The following DLEC1 variants were observed in gnomAD, a reference collection of about 807,000 sequenced individuals.
DLEC1 encodes the protein DLEC1 cilia and flagella associated protein, also known as deleted in lung and esophageal cancer protein 1.
A neutral mutation model predicts 198.1 loss-of-function variants in DLEC1; 146 were observed. The ratio of observed to expected loss-of-function variants is 0.74; its 90% confidence interval spans 0.64 to 0.85. The LOEUF (loss-of-function observed/expected upper bound fraction) is 0.85, where lower values mean the gene tolerates loss of function less well. Among genes scored for constraint, DLEC1 ranks in the 40% least tolerant of loss-of-function variants. The pLI is 0.00. For missense variants in DLEC1, 2,233 were observed against 2,220.0 expected (o/e 1.01, Z -0.12); for synonymous variants, 897 against 866.8 (o/e 1.03, Z -0.61).
chr3:38,103,650 AAGCTTAATCATTTTTT>A (rs1474973302), intron 19 of DLEC1: 1 of 152,212 alleles, frequency 6.6e-6, no homozygotes, highest in African/African-American at 2.4e-5. Flanking sequence ...CTTCCTCACT[AAGCTTAATCATTTTTT>A]AGCTTAATCA....
At position 38,097,268 on chromosome 3, in the gene DLEC1, G is replaced by A. The variant is rs749049979; in HGVS notation, c.2427G>A (p.Gly809=). ...TCATTGAAGTGGAGCCCGGCACAGG[G>A]GTCATAGGTACCTTGGGGACTGCAG... ...CHIIEVEPGT[G]VIEPSEVGDF... The change falls in exon 16 of 37, where the codon GGG becomes GGA. Residue 809 remains glycine (G), a synonymous_variant. Transcript: ENST00000308059. The A allele has an allele frequency of 1.3e-5, 21 of 1,579,506 alleles. No individual in the cohort carries two copies. Among genetic ancestry groups the A allele is most frequent in the African/African-American group, 2.7e-5 (2 of 74,032 alleles).
chr3:38,092,418 T>A (rs949735978), intron 10 of DLEC1, among the ~76,000 whole-genome samples: 2 of 152,134 alleles, frequency 1.3e-5, no homozygotes, highest in Non-Finnish European at 2.9e-5. Context: ...AGAAAACAAA[T>A]CATTGCATTT....
intron 2 of DLEC1, among the ~76,000 whole-genome samples, chr3:38,056,928 G>A (rs1358768969): frequency 6.6e-6 from 1 of 152,200 alleles, no homozygotes; most frequent in Non-Finnish European, 1.5e-5. Context: ...TAGAGCCAGA[G>A]GGATGTCCTT....
rs750348528 is a variant in DLEC1 at position 38,097,747 on chromosome 3, C to A, written c.2569C>A (p.Pro857Thr). 1 of 1,614,148 alleles carries A rather than the reference C, an allele frequency of 6.2e-7. No homozygotes were observed. The highest frequency in any genetic ancestry group is 8.5e-7 in the Non-Finnish European group (1 of 1,180,014). Residue 857 changes from proline (P) to threonine (T), a missense_variant, in exon 18 of 37, where the codon CCT (proline) becomes ACT (threonine). Coordinates refer to ENST00000308059, the MANE Select transcript of DLEC1 (RefSeq NM_007335.4). ...VLHIEAVFKG[P>T]ALIINVSALQ... ...ACAGGCCCTCTGGGTGTCTCAGGGG[C>A]CTGCCCTCATCATCAACGTCTCAGC...
intron 9 of DLEC1, among the ~76,000 whole-genome samples, chr3:38,087,852 A>T (rs1698546782): frequency 6.6e-6 from 1 of 152,188 alleles, no homozygotes; most frequent in Admixed American, 6.5e-5. Flanking sequence ...GCTTGTAGCC[A>T]GGGGTGGGTC....
chr3:38,108,076 G>A (rs901636200), intron 20 of DLEC1, among the ~76,000 whole-genome samples: 2 of 152,186 alleles, frequency 1.3e-5, no homozygotes, highest in Non-Finnish European at 2.9e-5. Flanking sequence ...GGCTGACTGG[G>A]GAGCTCTGAG....
intron 18 of DLEC1, among the ~76,000 whole-genome samples, chr3:38,100,028 A>C (rs4552305): frequency 6.6e-6 from 1 of 152,022 alleles, no homozygotes; most frequent in Non-Finnish European, 1.5e-5. Context: ...TCCGCCTTCT[A>C]TCTCTCAGAT....
chr3:38,104,292 A>C (rs1372840325), intron 19 of DLEC1, among the ~76,000 whole-genome samples: 1 of 152,110 alleles, frequency 6.6e-6, no homozygotes, highest in Non-Finnish European at 1.5e-5. Context: ...CCCCATTTCT[A>C]CTAAAAATAC....
chr3:38,115,609 G>A (rs561888675), intron 27 of DLEC1, among the ~76,000 whole-genome samples: 2 of 152,230 alleles, frequency 1.3e-5, no homozygotes, highest in Middle Eastern at 6.8e-3. Context: ...CACTGAAGAG[G>A]GGGCCCTGGC....
intron 2 of DLEC1, among the ~76,000 whole-genome samples, chr3:38,053,385 A>T (rs1701233146): frequency 6.9e-6 from 1 of 145,568 alleles, no homozygotes; most frequent in Admixed American, 6.8e-5. Flanking sequence ...AGATGTGGGG[A>T]GTGCCTCTGC....
intron 22 of DLEC1, 43 bp from the exon 23 acceptor site, chr3:38,110,056 G>A (rs896025078): frequency 1.9e-6 from 3 of 1,602,146 alleles, no homozygotes; most frequent in African/African-American, 2.7e-5. Flanking sequence ...GGCCAAGGGT[G>A]GTGTGTTACA....
rs2125743592 is a variant in DLEC1 at position 38,116,966 on chromosome 3, C to T, written c.4180-9C>T. The T allele has an allele frequency of 1.9e-6, 3 of 1,613,678 alleles. No individual in the cohort carries two copies. The highest frequency in any genetic ancestry group is 1.7e-6 in the Non-Finnish European group (2 of 1,179,912). ...TGGGACAGTGCTAAGGCTGCTGTGT[C>T]TATGCCAGGTGGTCCCTGCTGGGGG... On this transcript the variant is annotated splice_polypyrimidine_tract_variant and intron_variant, in intron 29 of 36. Coordinates refer to ENST00000308059, the MANE Select transcript of DLEC1 (RefSeq NM_007335.4).
intron 17 of DLEC1, 35 bp from the exon 18 acceptor site, chr3:38,097,709 A>G: frequency 6.2e-7 from 1 of 1,613,540 alleles, no homozygotes; most frequent in Non-Finnish European, 8.5e-7. Context: ...AGCCATCCCC[A>G]GGTGGCCCAG....
At chr3:38,098,877 C>T (rs1156569512) in intron 18 of DLEC1, among the ~76,000 whole-genome samples, 1 of 152,166 alleles carries the variant, frequency 6.6e-6, no homozygotes. Context: ...ATTGCCAACG[C>T]CATTGCCAAG....
chr3:38,104,314 G>A (rs759988799), intron 19 of DLEC1, among the ~76,000 whole-genome samples: 21 of 152,026 alleles, frequency 1.4e-4, no homozygotes, highest in South Asian at 2.1e-4. Flanking sequence ...AAAATTAGCC[G>A]GGTGTGGTGG....
At chr3:38,104,024 G>T (rs904091344) in intron 19 of DLEC1, among the ~76,000 whole-genome samples, 3 of 152,216 alleles carry the variant, frequency 2.0e-5, no homozygotes, top group Non-Finnish European at 2.9e-5. Context: ...TTGGAAAAAT[G>T]ACATTGATAG....
intron 9 of DLEC1, among the ~76,000 whole-genome samples, chr3:38,087,378 C>T (rs534269894): frequency 7.5e-6 from 1 of 133,268 alleles, no homozygotes; most frequent in South Asian, 2.5e-4. Flanking sequence ...AGCACTGACA[C>T]CATCCATCAG....
chr3:38,118,166 G>C, intron 33 of DLEC1, 142 bp downstream of exon 33: 2 of 917,010 alleles, frequency 2.2e-6, no homozygotes, highest in South Asian at 3.4e-5. Context: ...ATGAACACTC[G>C]GGGGTGCACT....
chr3:38,046,475 T>C (rs1700892071), intron 2 of DLEC1, among the ~76,000 whole-genome samples: 1 of 152,204 alleles, frequency 6.6e-6, no homozygotes, highest in Admixed American at 6.5e-5. Context: ...CCTTCGCTCA[T>C]GTAAGACATG....
Sources: allele counts gnomAD v4.1 joint callset (sites outside exome capture counted in the v4.1 genomes callset), GRCh38; gene constraint gnomAD v4.1.1; transcripts MANE v1.5; gene names NCBI Gene and HGNC (gene_info 2026-07-23, HGNC 2026-07-21).